The following PABPC4L variants were observed in gnomAD, a reference collection of about 807,000 sequenced individuals.
The protein encoded by PABPC4L is polyadenylate-binding protein 4-like.
For synonymous variants in PABPC4L, 169 were observed against 164.1 expected (o/e 1.03, Z -0.23); for missense variants, 452 against 451.4 (o/e 1.00, Z -0.01).
rs953986840 is a variant in PABPC4L, at chr4:134,200,580, T to A, written c.440A>T (p.Gln147Leu). Reference protein sequence around the residue: ...KGYAFVHFQNQSAADRAIEEM... With the variant: ...KGYAFVHFQNLSAADRAIEEM... The stretch of plus-strand genomic sequence containing the variant: ...CTCAATGGCCCTGTCTGCAGCACTC[T>A]GGTTCTGAAAGTGCACAAATGCATA... Residue 147 changes from glutamine (Q) to leucine (L), a missense_variant, in exon 2 of 2, where the codon CAG becomes CTG. Physicochemically the swap from Gln to Leu is moderately radical, Grantham distance 113 (BLOSUM62 -2). Coordinates refer to ENST00000421491, the MANE Select transcript of PABPC4L (RefSeq NM_001114734.2). 111 of 1,551,558 alleles carry A rather than the reference T, an allele frequency of 7.2e-5. No individual in the cohort carries two copies. The highest frequency in any genetic ancestry group is 8.9e-5 in the Non-Finnish European group (102 of 1,146,976).
chr4:134,186,189 TA>T, the PABPC4L span, among the ~76,000 whole-genome samples: 1 of 152,138 alleles, frequency 6.6e-6, no homozygotes, highest in Non-Finnish European at 1.5e-5. Flanking sequence ...AAAGCTACTT[TA>T]AAGTTCATAT....
chr4:133,959,467 A>T, the PABPC4L span, among the ~76,000 whole-genome samples: 1 of 152,230 alleles, frequency 6.6e-6, no homozygotes, highest in Non-Finnish European at 1.5e-5. Flanking sequence ...AGAGTGAACT[A>T]TAAACAAAAT....
the PABPC4L span, among the ~76,000 whole-genome samples, chr4:134,114,816 C>T: frequency 4.6e-5 from 7 of 151,902 alleles, no homozygotes; most frequent in African/African-American, 1.2e-4. Context: ...ATTAAAGTTA[C>T]ACCAATTAAA....
the PABPC4L span, among the ~76,000 whole-genome samples, chr4:134,171,025 T>C: frequency 1.3e-5 from 2 of 152,180 alleles, no homozygotes; most frequent in Non-Finnish European, 2.9e-5. Context: ...ATAATACTTA[T>C]TCTGATTGGT....
chr4:134,040,436 A>T, the PABPC4L span, among the ~76,000 whole-genome samples: 15 of 152,178 alleles, frequency 9.9e-5, no homozygotes, highest in South Asian at 2.9e-3. Flanking sequence ...ATCTACAATC[A>T]CCTGATCTTT....
At chr4:134,051,743 T>G in the PABPC4L span, among the ~76,000 whole-genome samples, 1 of 152,136 alleles carries the variant, frequency 6.6e-6, no homozygotes, top group Non-Finnish European at 1.5e-5. Flanking sequence ...CTTTAGAGTT[T>G]CATAGCCTCT....
At chr4:134,039,291 T>C in the PABPC4L span, among the ~76,000 whole-genome samples, 2 of 152,198 alleles carry the variant, frequency 1.3e-5, no homozygotes, top group African/African-American at 4.8e-5. Flanking sequence ...GAGAAGAATG[T>C]ATATTCTATT....
At chr4:134,084,163 C>G in the PABPC4L span, among the ~76,000 whole-genome samples, 3 of 152,082 alleles carry the variant, frequency 2.0e-5, no homozygotes, top group East Asian at 5.8e-4. Context: ...ATTATCCTGC[C>G]TCAGTTTCCC....
chr4:134,120,422 TA>T, the PABPC4L span, among the ~76,000 whole-genome samples: 6 of 149,590 alleles, frequency 4.0e-5, no homozygotes, highest in African/African-American at 1.5e-4. Flanking sequence ...TATAAATTTT[TA>T]ATATTCATTT....
chr4:134,038,585 C>T, the PABPC4L span, among the ~76,000 whole-genome samples: 1 of 152,090 alleles, frequency 6.6e-6, no homozygotes, highest in South Asian at 2.1e-4. Context: ...TCCATTTCTT[C>T]TAGATTTTCT....
At chr4:134,162,031 T>G in the PABPC4L span, among the ~76,000 whole-genome samples, 2 of 152,080 alleles carry the variant, frequency 1.3e-5, no homozygotes, top group African/African-American at 4.8e-5. Flanking sequence ...TTTAAAATAA[T>G]TGGTTATAAG....
At chr4:134,109,424 A>T in the PABPC4L span, among the ~76,000 whole-genome samples, 4 of 151,890 alleles carry the variant, frequency 2.6e-5, no homozygotes, top group African/African-American at 7.2e-5. Flanking sequence ...GAAGAAAAAA[A>T]TGAGAGAAAT....
the PABPC4L span, among the ~76,000 whole-genome samples, chr4:134,030,824 T>C: frequency 6.6e-6 from 1 of 152,080 alleles, no homozygotes; most frequent in Non-Finnish European, 1.5e-5. Flanking sequence ...TATACCACTC[T>C]ATTCCTTCCT....
the PABPC4L span, among the ~76,000 whole-genome samples, chr4:133,992,401 A>G: frequency 6.6e-6 from 1 of 152,182 alleles, no homozygotes; most frequent in South Asian, 2.1e-4. Context: ...ATGTTAAGAC[A>G]TTTCCTTTGC....
At chr4:134,056,152 G>A in the PABPC4L span, among the ~76,000 whole-genome samples, 2 of 151,854 alleles carry the variant, frequency 1.3e-5, no homozygotes, top group South Asian at 2.1e-4. Flanking sequence ...TTCTGGATGC[G>A]CTATACTGTT....
chr4:134,079,150 T>G, the PABPC4L span, among the ~76,000 whole-genome samples: 12 of 151,422 alleles, frequency 7.9e-5, no homozygotes, highest in East Asian at 2.4e-3. Flanking sequence ...TTTTGTATTT[T>G]TAGTAGAGAC....
the PABPC4L span, among the ~76,000 whole-genome samples, chr4:133,980,432 C>A: frequency 5.9e-5 from 9 of 152,178 alleles, no homozygotes; most frequent in African/African-American, 2.2e-4. Context: ...GGAGAAATAT[C>A]AAAGTGTGTT....
chr4:134,095,286 T>C, the PABPC4L span, among the ~76,000 whole-genome samples: 1 of 152,072 alleles, frequency 6.6e-6, no homozygotes, highest in East Asian at 1.9e-4. Flanking sequence ...TTCAAAAATA[T>C]TTGCCATAGA....
At chr4:134,161,476 G>A in the PABPC4L span, among the ~76,000 whole-genome samples, 1 of 152,098 alleles carries the variant, frequency 6.6e-6, no homozygotes, top group Non-Finnish European at 1.5e-5. Context: ...ACATCTGGAA[G>A]CAGACTTCTC....
Sources: gnomAD v4.1 joint callset for allele counts (sites outside exome capture counted in the v4.1 genomes callset) on GRCh38, gnomAD v4.1.1 for gene constraint, MANE v1.5 for transcripts, NCBI Gene and HGNC (gene_info 2026-07-23, HGNC 2026-07-21) for gene names.